TTC28: variants seen among roughly 807,000 people sequenced by gnomAD.
TTC28 encodes the protein tetratricopeptide repeat protein 28.
Under a neutral mutation model 198.0 loss-of-function variants are expected in TTC28, and 61 were observed. The ratio of observed to expected loss-of-function variants is 0.31; its 90% CI spans 0.25 to 0.38. The LOEUF is 0.38. Ranked by LOEUF, TTC28 falls within the 10% of genes least tolerant of loss-of-function variation. TTC28 has a pLI of 1.00. For synonymous variants in TTC28, 1,171 were observed against 1,297.8 expected, an observed-to-expected ratio of 0.90 and a Z score of 2.10; for missense variants, 2,678 against 3,164.0, an observed-to-expected ratio of 0.85 and a Z score of 3.69.
In TTC28 at chr22:28,001,368, C is replaced by G; in HGVS notation, c.4398+6G>C. On this transcript the variant is annotated splice_donor_region_variant and intron_variant, in intron 15 of 22. Coordinates refer to ENST00000397906, the MANE Select transcript of TTC28 (RefSeq NM_001145418.2). ...CCCGGCCCCCCACCATGTGTGTGAG[C>G]CTTACCTTGGACTGCACGCTGAGGG... 1.9e-6 allele frequency: 3 copies of G among 1,542,740 alleles called. No homozygotes were observed. Among genetic ancestry groups the G allele is most frequent in the Non-Finnish European group, 2.6e-6 (3 of 1,139,906 alleles).
intron 2 of TTC28, among the ~76,000 whole-genome samples, chr22:28,445,148 T>A (rs7289729): frequency 0.017 from 2,643 of 152,306 alleles, 75 homozygotes; most frequent in African/African-American, 0.061. Context: ...CCTCTCTTTT[T>A]TCTTAGACAT....
Position 28,490,379 on chromosome 22 carries a change from C to T in TTC28, c.381+139173G>A, listed in dbSNP as rs1207360618. Among the ~76,000 whole-genome samples the T allele has an allele frequency of 2.6e-5, 4 of 152,180 alleles. No individual in the cohort carries two copies. The East Asian group carries it at 7.7e-4, about 29-fold the overall frequency. ...TGTAGTCGTCATTCAGGGATGCAGGCTTCAAGAGTTTGTATCACCTGGAAC... is the reference window on the plus strand; with the variant it reads ...TGTAGTCGTCATTCAGGGATGCAGGTTTCAAGAGTTTGTATCACCTGGAAC... On this transcript the variant is annotated intron_variant, in intron 2 of 22. Transcript: ENST00000397906.
In TTC28 at chr22:28,331,857, T is replaced by C. The variant is rs2045621775; in HGVS notation, c.382-25214A>G. On this transcript the variant is annotated intron_variant, in intron 2 of 22. Transcript: ENST00000397906. ...CCATAATACTCTTGGATCTCTGAGC[T>C]TGAAAAAGATGCACTACCCCTTGGG... 2.6e-5 allele frequency among the ~76,000 whole-genome samples: 4 copies of C among 152,108 alleles called. No homozygotes were observed. The South Asian group carries it at 8.3e-4, about 31-fold the overall frequency.
At chr22:28,502,272 T>G (rs2048547325) in intron 2 of TTC28, among the ~76,000 whole-genome samples, 1 of 152,118 alleles carries the variant, frequency 6.6e-6, no homozygotes, top group Admixed American at 6.5e-5. Context: ...CATGAACTGA[T>G]TTCAATATCA....
intron 12 of TTC28, among the ~76,000 whole-genome samples, chr22:28,071,624 C>T (rs1442171256): frequency 1.3e-5 from 2 of 148,176 alleles, no homozygotes. Context: ...GGGAGATATA[C>T]CTAAGGCTAG....
chr22:28,355,041 A>G (rs925996053), intron 2 of TTC28, among the ~76,000 whole-genome samples: 8 of 144,898 alleles, frequency 5.5e-5, no homozygotes, highest in Non-Finnish European at 1.0e-4. Context: ...TCTCTAAATA[A>G]TCTCAAAATA....
chr22:28,063,743 C>G (rs184095409), intron 12 of TTC28, among the ~76,000 whole-genome samples: 63 of 152,246 alleles, frequency 4.1e-4, no homozygotes, highest in Admixed American at 1.9e-3. Context: ...ACGCATAACA[C>G]AGTCCAGGGC....
chr22:28,406,198 C>G (rs1018215247), intron 2 of TTC28, among the ~76,000 whole-genome samples: 1 of 152,234 alleles, frequency 6.6e-6, no homozygotes, highest in Non-Finnish European at 1.5e-5. Context: ...AGATTTAACT[C>G]TTAAATTACA....
chr22:28,074,943 T>C (rs946052808), intron 12 of TTC28, among the ~76,000 whole-genome samples: 1 of 151,962 alleles, frequency 6.6e-6, no homozygotes, highest in African/African-American at 2.4e-5. Flanking sequence ...CTACTAAAAA[T>C]ACAAAAATTA....
In TTC28 at chr22:28,517,016, TAGACTC is replaced by T. The variant is rs548748403; in HGVS notation, c.381+112530_381+112535del. Among the ~76,000 whole-genome samples, 351 of 152,320 alleles carry T rather than the reference TAGACTC, an allele frequency of 2.3e-3. 1 individual carries two copies. The highest frequency in any genetic ancestry group is 6.8e-3 in the Middle Eastern group (2 of 294). ...TAACTCCTGTTATACTTGAGGAACT[TAGACTC>T]AGAGACAATACTCTCTTACCCAGGG... On this transcript the variant is annotated intron_variant, in intron 2 of 22. Coordinates refer to ENST00000397906, the MANE Select transcript of TTC28 (RefSeq NM_001145418.2).
intron 2 of TTC28, among the ~76,000 whole-genome samples, chr22:28,462,738 C>T (rs2047966700): frequency 6.6e-6 from 1 of 152,070 alleles, no homozygotes; most frequent in Admixed American, 6.6e-5. Context: ...TCTCATTCCC[C>T]ATTTGAATTA....
chr22:28,610,961 G>GA (rs1184350141), intron 2 of TTC28, among the ~76,000 whole-genome samples: 3 of 151,914 alleles, frequency 2.0e-5, no homozygotes, highest in African/African-American at 7.3e-5. Flanking sequence ...TCAAGCGGAA[G>GA]AAAAAATATC....
chr22:28,476,134 C>G (rs1213725480), intron 2 of TTC28, among the ~76,000 whole-genome samples: 1 of 152,092 alleles, frequency 6.6e-6, no homozygotes, highest in Non-Finnish European at 1.5e-5. Flanking sequence ...TTCTACCTCC[C>G]CCATGCCATC....
intron 2 of TTC28, among the ~76,000 whole-genome samples, chr22:28,557,271 G>A (rs1241177648): frequency 1.3e-5 from 2 of 152,048 alleles, no homozygotes; most frequent in African/African-American, 4.8e-5. Flanking sequence ...GCATTTTCTT[G>A]TCTTGCTTTC....
intron 6 of TTC28, among the ~76,000 whole-genome samples, chr22:28,123,436 T>C (rs1969681): frequency 0.16 from 24,948 of 151,912 alleles, 2,563 homozygotes; most frequent in East Asian, 0.35. Flanking sequence ...TTGTATTTTT[T>C]AGTAGAAATG....
At chr22:28,014,992 C>T (rs117566452) in intron 13 of TTC28, among the ~76,000 whole-genome samples, 2,691 of 152,322 alleles carry the variant, frequency 0.018, 40 homozygotes, top group Non-Finnish European at 0.026. Context: ...AGTTTTGTTT[C>T]GCTTTTAAAT....
chr22:28,414,675 G>A (rs2047141095), intron 2 of TTC28, among the ~76,000 whole-genome samples: 1 of 152,172 alleles, frequency 6.6e-6, no homozygotes, highest in South Asian at 2.1e-4. Context: ...GAAGAGGGAA[G>A]GACAGGGCAG....
chr22:28,155,278 T>A (rs1007283716), intron 6 of TTC28, among the ~76,000 whole-genome samples: 1 of 152,230 alleles, frequency 6.6e-6, no homozygotes, highest in Non-Finnish European at 1.5e-5. Flanking sequence ...GGCATGACCA[T>A]CTTCCAATTA....
At chr22:28,318,977 C>G (rs777282112) in intron 2 of TTC28, among the ~76,000 whole-genome samples, 10 of 151,416 alleles carry the variant, frequency 6.6e-5, no homozygotes, top group Non-Finnish European at 1.2e-4. Flanking sequence ...TGCCACCATG[C>G]CTGGCTAATT....
Sources: allele counts gnomAD v4.1 joint callset (sites outside exome capture counted in the v4.1 genomes callset), GRCh38; gene constraint gnomAD v4.1.1; transcripts MANE v1.5; gene names NCBI Gene and HGNC (gene_info 2026-07-23, HGNC 2026-07-21).